FGFR2: variants seen among roughly 807,000 people sequenced by gnomAD.
The protein encoded by FGFR2 is fibroblast growth factor receptor 2.
In FGFR2, 19 loss-of-function variants were observed where a neutral mutation model predicts 95.9. The ratio of observed to expected loss-of-function variants is 0.20; its 90% confidence interval spans 0.14 to 0.29. FGFR2 has a LOEUF of 0.29. Among genes scored for constraint, FGFR2 ranks in the 10% least tolerant of loss-of-function variants. The probability of loss-of-function intolerance (pLI) is 1.00; values close to 1 mark genes in which losing one functional copy is unlikely to be tolerated. For synonymous variants in FGFR2, 392 were observed against 393.3 expected (o/e 1.00, Z 0.04); for missense variants, 707 against 1,056.9 (o/e 0.67, Z 4.59).
Position 121,531,031 on chromosome 10 carries a change from G to T in FGFR2, c.748+7561C>A, listed in dbSNP as rs1416612182. Among the ~76,000 whole-genome samples, 1 of 152,248 alleles carries T rather than the reference G, an allele frequency of 6.6e-6. No homozygotes were observed. The highest frequency in any genetic ancestry group is 1.9e-4 in the East Asian group (1 of 5,174). On this transcript the variant is annotated intron_variant, in intron 6 of 17. Transcript: ENST00000358487. The surrounding 1 kb of genome is among the most constrained non-coding windows in gnomAD (Gnocchi z 4.5). ...TCTTTGCCCACACCATAAATGAAAT[G>T]CCAAGATTAAATGCCAGACCAAATA...
intron 10 of FGFR2, among the ~76,000 whole-genome samples, chr10:121,503,084 G>A (rs1262700012): frequency 6.6e-6 from 1 of 152,230 alleles, no homozygotes; most frequent in Non-Finnish European, 1.5e-5. Flanking sequence ...GAATTTCAGA[G>A]AATCAGGTGC....
intron 1 of FGFR2, 128 bp from the exon 2 acceptor site, chr10:121,594,095 A>T: frequency 5.5e-6 from 3 of 549,810 alleles, no homozygotes; most frequent in Non-Finnish European, 6.6e-6. Flanking sequence ...TTATCTGCTA[A>T]ATCCTTCCAT....
At chr10:121,595,463 T>TGGTGTGTGTGTATGCAC (rs1863287046) in intron 1 of FGFR2, among the ~76,000 whole-genome samples, 1 of 151,776 alleles carries the variant, frequency 6.6e-6, no homozygotes, top group Non-Finnish European at 1.5e-5. Context: ...TGTGCGTGCA[T>TGGTGTGTGTGTATGCAC]GGTGTGTGTG....
At chr10:121,556,425 C>CTT (rs1856158577) in intron 4 of FGFR2, among the ~76,000 whole-genome samples, 1 of 151,330 alleles carries the variant, frequency 6.6e-6, no homozygotes, top group African/African-American at 2.4e-5. Context: ...CTCTCTCTCT[C>CTT]TCTCTCTCTG....
chr10:121,522,844 T>C (rs1399802306), intron 6 of FGFR2, among the ~76,000 whole-genome samples: 1 of 152,176 alleles, frequency 6.6e-6, no homozygotes, highest in African/African-American at 2.4e-5. Context: ...TAACCTCCAG[T>C]GTTAAAAAAC....
At chr10:121,563,359 A>G (rs12257564) in intron 4 of FGFR2, among the ~76,000 whole-genome samples, 16,143 of 152,088 alleles carry the variant, frequency 0.11, 2,436 homozygotes, top group African/African-American at 0.33. Flanking sequence ...GGGTGACAGA[A>G]CAAGACTGCA....
chr10:121,494,709 T>A (rs373965940), intron 13 of FGFR2, among the ~76,000 whole-genome samples: 9 of 152,216 alleles, frequency 5.9e-5, no homozygotes, highest in African/African-American at 9.6e-5. Context: ...CCCACACACA[T>A]ACACACTTGG....
In FGFR2 at chr10:121,497,257, G is replaced by A. The variant is rs151226328; in HGVS notation, c.1673-535C>T. Among the ~76,000 whole-genome samples the A allele has an allele frequency of 3.1e-3, 469 of 152,090 alleles. 4 individuals are homozygous for A. Among genetic ancestry groups the A allele is most frequent in the Admixed American group, 8.0e-3 (122 of 15,272 alleles). On this transcript the variant is annotated intron_variant, in intron 12 of 17. Transcript: ENST00000358487. ...GCCCTTGGTCATGATAGCCTCAAAA[G>A]GCACAGAGACACAGTTGACGTGCTC...
intron 2 of FGFR2, 41 bp downstream of exon 2, chr10:121,593,668 A>G: frequency 6.3e-7 from 1 of 1,580,722 alleles, no homozygotes; most frequent in South Asian, 1.1e-5. Context: ...CCCCCAGACA[A>G]ATCCCAAAAC....
rs1231386330 is a variant in FGFR2, at chr10:121,531,840, T to C, written c.748+6752A>G. Among the ~76,000 whole-genome samples, 1 of 152,160 alleles carries C rather than the reference T, an allele frequency of 6.6e-6. No individual in the cohort carries two copies. The highest frequency in any genetic ancestry group is 2.4e-5 in the African/African-American group (1 of 41,446). ...CCTTAGGGGTTGTCTGTGACAGCGA[T>C]GGTTTATAAGAACAGGATGAGATGG... On this transcript the variant is annotated intron_variant, in intron 6 of 17. Transcript: ENST00000358487. This position sits in a 1 kb window ranked among gnomAD's most constrained non-coding sequence, Gnocchi z 4.5.
At chr10:121,502,006 G>A (rs1242584391) in intron 10 of FGFR2, among the ~76,000 whole-genome samples, 2 of 152,072 alleles carry the variant, frequency 1.3e-5, no homozygotes, top group Non-Finnish European at 1.5e-5. Context: ...CTACGTTTGC[G>A]CTAAACACTG....
intron 6 of FGFR2, among the ~76,000 whole-genome samples, chr10:121,520,669 G>A (rs1195956126): frequency 6.6e-6 from 1 of 152,072 alleles, no homozygotes; most frequent in Non-Finnish European, 1.5e-5. Context: ...CTCAGACGGG[G>A]TCTCACTTCA....
intron 5 of FGFR2, among the ~76,000 whole-genome samples, chr10:121,548,818 AG>A (rs1854952938): frequency 1.3e-5 from 2 of 152,170 alleles, no homozygotes; most frequent in Non-Finnish European, 2.9e-5. Context: ...AAACAATCCC[AG>A]GGGCCGTGAT....
At chr10:121,529,787 T>G (rs938496981) in intron 6 of FGFR2, among the ~76,000 whole-genome samples, 1 of 152,218 alleles carries the variant, frequency 6.6e-6, no homozygotes, top group Non-Finnish European at 1.5e-5. Context: ...AGGAACTCCA[T>G]GAGGGCAAAG....
At chr10:121,544,664 G>C (rs576465741) in intron 5 of FGFR2, among the ~76,000 whole-genome samples, 1 of 152,084 alleles carries the variant, frequency 6.6e-6, no homozygotes, top group South Asian at 2.1e-4. Context: ...CAGGTGCAGT[G>C]GGGGAGGGGA....
chr10:121,532,654 T>C (rs1180489917), intron 6 of FGFR2, among the ~76,000 whole-genome samples: 1 of 152,162 alleles, frequency 6.6e-6, no homozygotes, highest in Non-Finnish European at 1.5e-5. Flanking sequence ...GCCTTTGTCT[T>C]CCTGGGACAG....
At chr10:121,491,394 G>C (rs186574364) in intron 13 of FGFR2, among the ~76,000 whole-genome samples, 1 of 152,268 alleles carries the variant, frequency 6.6e-6, no homozygotes, top group Non-Finnish European at 1.5e-5. Context: ...AGGGCCCTGG[G>C]ACAGTTTGGT....
chr10:121,480,152 A>T (rs1251759426), intron 17 of FGFR2, 131 bp from the exon 18 acceptor site: 1 of 1,011,008 alleles, frequency 9.9e-7, no homozygotes, highest in East Asian at 2.4e-5. Flanking sequence ...TTCAAACACA[A>T]ACTCTTGAGA....
rs1854894626 is a variant in FGFR2, at chr10:121,548,441, T to C, written c.624+2849A>G. 2.0e-5 allele frequency among the ~76,000 whole-genome samples: 3 copies of C among 152,112 alleles called. No individual in the cohort carries two copies. The South Asian group carries it at 6.2e-4, about 32-fold the overall frequency. On this transcript the variant is annotated intron_variant, in intron 5 of 17. Transcript: ENST00000358487. ...CTGCTGGGAGTCCTCATTTTGCTTT[T>C]AGAACATAGGTGCTCTTCATCTAGC...
Sources: allele counts gnomAD v4.1 joint callset (sites outside exome capture counted in the v4.1 genomes callset), GRCh38; gene constraint gnomAD v4.1.1; non-coding constraint Gnocchi (gnomAD v3.1); transcripts MANE v1.5; gene names NCBI Gene and HGNC (gene_info 2026-07-23, HGNC 2026-07-21).